RNF170: variants seen among roughly 807,000 people sequenced by gnomAD.
RNF170 encodes ring finger protein 170.
In RNF170, 12 loss-of-function variants were observed where a neutral mutation model predicts 32.7. The ratio of observed to expected loss-of-function variants is 0.37; its 90% CI spans 0.24 to 0.60. RNF170 has a LOEUF of 0.60. Among genes scored for constraint, RNF170 ranks in the 20% least tolerant of loss-of-function variants. The pLI is 0.72. For synonymous variants in RNF170, 91 were observed against 103.6 expected (o/e 0.88, Z 0.74); for missense variants, 212 against 311.2 (o/e 0.68, Z 2.40).
chr8:42,852,197 T>C (rs1802958565), downstream of RNF170, among the ~76,000 whole-genome samples: 1 of 152,200 alleles, frequency 6.6e-6, no homozygotes, highest in South Asian at 2.1e-4. Context: ...TTGGTGTCTA[T>C]GATCATTAAT....
chr8:42,855,326 C>A lies in RNF170; in HGVS notation c.*833G>T. 2 of 917,176 alleles carry A rather than the reference C, an allele frequency of 2.2e-6. No homozygotes were observed. Among genetic ancestry groups the A allele is most frequent in the Middle Eastern group, 4.5e-4 (1 of 2,228 alleles). The allele number at this position is 917,176 out of a possible 1,614,324, so 56.8% of individuals were successfully genotyped here. A position where few individuals can be genotyped will look rare whatever the true frequency, so the allele number is the denominator to read the frequency against. On this transcript the variant is annotated 3_prime_UTR_variant, in exon 7 of 7. Transcript: ENST00000527424. ...TCCTGGGTTTACGCCATTCTTCTGC[C>A]TCAGCCTCCCGAGTAGCTGGGACTA... is the stretch of plus-strand genomic sequence containing the variant.
intron 6 of RNF170, among the ~76,000 whole-genome samples, chr8:42,856,745 T>C (rs1803272277): frequency 1.3e-5 from 2 of 152,162 alleles, no homozygotes; most frequent in Non-Finnish European, 2.9e-5. Flanking sequence ...GCGCGCAGGA[T>C]TAGAGTCTGA....
intron 2 of RNF170, among the ~76,000 whole-genome samples, chr8:42,885,922 A>G (rs1459660182): frequency 6.6e-6 from 1 of 152,034 alleles, no homozygotes; most frequent in Non-Finnish European, 1.5e-5. Flanking sequence ...ACGCCTGCCT[A>G]ATTTTAAAAT....
At chr8:42,869,189 C>T (rs1165141924) in intron 4 of RNF170, among the ~76,000 whole-genome samples, 1 of 152,146 alleles carries the variant, frequency 6.6e-6, no homozygotes, top group Non-Finnish European at 1.5e-5. Context: ...AGATTACAGG[C>T]GTGAGCCACA....
rs1461371496 is a variant in RNF170, at chr8:42,854,676, C to CAT, written c.*1481_*1482dup. ...GATTTTCTCCTTATCTCCCAGTCTG[C>CAT]ATATAGTGAAGCTCACTAATAAATT... is the stretch of plus-strand genomic sequence containing the variant. On this transcript the variant is annotated 3_prime_UTR_variant, in exon 7 of 7. Coordinates refer to ENST00000527424, the MANE Select transcript of RNF170 (RefSeq NM_030954.4). The CAT allele has an allele frequency of 3.1e-6, 4 of 1,287,208 alleles. No individual in the cohort carries two copies. The highest frequency in any genetic ancestry group is 4.0e-6 in the Non-Finnish European group (4 of 988,630). 79.7% of individuals were successfully genotyped at this position (1,287,208 alleles called of 1,614,324 possible).
chr8:42,895,657 C>A (rs984888728), intron 1 of RNF170, among the ~76,000 whole-genome samples: 2 of 152,236 alleles, frequency 1.3e-5, no homozygotes, highest in Non-Finnish European at 2.9e-5. Context: ...AATGGATTCA[C>A]TGTTCTATTC....
rs1804719017 is a variant in RNF170 at position 42,874,017 on chromosome 8, G to A, written c.138-11C>T. The A allele has an allele frequency of 6.7e-7, 1 of 1,501,520 alleles. No individual in the cohort carries two copies. The highest frequency in any genetic ancestry group is 1.4e-5 in the African/African-American group (1 of 72,776). The allele number at this position is 1,501,520 out of a possible 1,614,324, so 93.0% of individuals were successfully genotyped here. On this transcript the variant is annotated splice_polypyrimidine_tract_variant and intron_variant, in intron 2 of 6. Transcript: ENST00000527424. Reference sequence around the variant, plus strand: ...TTTTGATGTACATTTCTGTTGAATAGAATATAATAAATTTTGAATAGAAAA... The same window carrying A: ...TTTTGATGTACATTTCTGTTGAATAAAATATAATAAATTTTGAATAGAAAA...
At chr8:42,884,764 C>T (rs958694024) in intron 2 of RNF170, among the ~76,000 whole-genome samples, 7 of 147,118 alleles carry the variant, frequency 4.8e-5, no homozygotes, top group Admixed American at 2.1e-4. Flanking sequence ...TGCAGTGGTG[C>T]GATCTCAGCT....
At position 42,896,526 on chromosome 8, in the gene RNF170, G is replaced by C. The variant is rs1437587763; in HGVS notation, c.-50C>G. The C allele has an allele frequency of 2.2e-6, 1 of 453,976 alleles. No individual in the cohort carries two copies. The allele number at this position is 453,976 out of a possible 1,614,324, so 28.1% of individuals were successfully genotyped here. A position where few individuals can be genotyped will look rare whatever the true frequency, so the allele number is the denominator to read the frequency against. On this transcript the variant is annotated 5_prime_UTR_variant, in exon 1 of 7. Coordinates refer to ENST00000527424, the MANE Select transcript of RNF170 (RefSeq NM_030954.4). Reference sequence around the variant, plus strand: ...ACTACCTCGCCAGTTCCCGGCGACAGAGGACAGATTATTTCCAGGACCGCT... The same window carrying C: ...ACTACCTCGCCAGTTCCCGGCGACACAGGACAGATTATTTCCAGGACCGCT...
At chr8:42,889,791 A>G (rs889009404) in intron 1 of RNF170, among the ~76,000 whole-genome samples, 4 of 152,200 alleles carry the variant, frequency 2.6e-5, no homozygotes, top group African/African-American at 9.6e-5. Context: ...TGAGCTGCCA[A>G]CTGAACTGAA....
At chr8:42,852,674 C>T (rs961659028), downstream of RNF170, among the ~76,000 whole-genome samples, 6 of 152,150 alleles carry the variant, frequency 3.9e-5, no homozygotes, top group Non-Finnish European at 8.8e-5. Context: ...CTTGGCCTCC[C>T]AAAATGCTGG....
At chr8:42,897,240 C>G (rs952435641), upstream of RNF170, 2 of 1,173,198 alleles carry the variant, frequency 1.7e-6, no homozygotes, top group Non-Finnish European at 2.1e-6. Flanking sequence ...CGCCACCTAC[C>G]GGGACCCTCC....
At position 42,873,911 on chromosome 8, in the gene RNF170, A is replaced by C; in HGVS notation, c.213+20T>G. ...AGGGAGCTATCACATCTACTCCTCA[A>C]ATAAATACATATACAATACCTGTTC... On this transcript the variant is annotated intron_variant, in intron 3 of 6. Transcript: ENST00000527424. 7.1e-7 allele frequency: 1 copy of C among 1,403,706 alleles called. No individual in the cohort carries two copies. The highest frequency in any genetic ancestry group is 1.4e-5 in the African/African-American group (1 of 70,852). 87.0% of individuals were successfully genotyped at this position (1,403,706 alleles called of 1,614,324 possible). A position where few individuals can be genotyped will look rare whatever the true frequency, so the allele number is the denominator to read the frequency against.
intron 4 of RNF170, among the ~76,000 whole-genome samples, chr8:42,866,771 GGAAGA>G (rs1467540610): frequency 6.6e-6 from 1 of 152,234 alleles, no homozygotes; most frequent in Non-Finnish European, 1.5e-5. Flanking sequence ...ACAGCCTAAA[GGAAGA>G]GTCTGGCGAC....
At chr8:42,890,728 C>T (rs1806232667) in intron 1 of RNF170, among the ~76,000 whole-genome samples, 1 of 152,162 alleles carries the variant, frequency 6.6e-6, no homozygotes, top group Non-Finnish European at 1.5e-5. Flanking sequence ...AAGGGCACTG[C>T]ATTTTCTTGT....
chr8:42,873,304 A>C (rs886407104), intron 3 of RNF170, among the ~76,000 whole-genome samples: 4 of 152,114 alleles, frequency 2.6e-5, no homozygotes, highest in South Asian at 2.1e-4. Flanking sequence ...AAAAAAAAAA[A>C]AAAACGCTTA....
intron 3 of RNF170, among the ~76,000 whole-genome samples, chr8:42,872,306 A>G (rs186591977): frequency 2.0e-5 from 3 of 152,346 alleles, no homozygotes; most frequent in East Asian, 3.9e-4. Flanking sequence ...AATGAGAATA[A>G]TAGTAGTTGC....
intron 1 of RNF170, among the ~76,000 whole-genome samples, chr8:42,889,762 A>G (rs541905116): frequency 1.4e-4 from 21 of 152,218 alleles, no homozygotes; most frequent in Non-Finnish European, 2.9e-4. Flanking sequence ...CAGTATTTTC[A>G]TTCAAAAGAA....
chr8:42,879,102 T>C (rs1379674086), intron 2 of RNF170, among the ~76,000 whole-genome samples: 1 of 152,180 alleles, frequency 6.6e-6, no homozygotes, highest in Non-Finnish European at 1.5e-5. Flanking sequence ...AAAGAAAATA[T>C]CACTGCTCAT....
Sources: gnomAD v4.1 joint callset for allele counts (sites outside exome capture counted in the v4.1 genomes callset) on GRCh38, gnomAD v4.1.1 for gene constraint, MANE v1.5 for transcripts, NCBI Gene and HGNC (gene_info 2026-07-23, HGNC 2026-07-21) for gene names.